The following CDKAL1 variants were observed in gnomAD, a reference collection of about 807,000 sequenced individuals.
CDKAL1 encodes threonylcarbamoyladenosine tRNA methylthiotransferase.
A neutral mutation model predicts 68.2 loss-of-function variants in CDKAL1; 32 were observed. That is an observed-to-expected ratio of 0.47 (90% CI 0.35 to 0.63). The LOEUF (loss-of-function observed/expected upper bound fraction) is 0.63. Ranked by LOEUF, CDKAL1 falls within the 30% of genes least tolerant of loss-of-function variation. CDKAL1 has a pLI of 0.00. For missense variants in CDKAL1, 606 were observed against 696.7 expected, an observed-to-expected ratio of 0.87 and a Z score of 1.47; for synonymous variants, 234 against 244.3, an observed-to-expected ratio of 0.96 and a Z score of 0.39.
At chr6:20,757,762 CT>C (rs1408830939) in intron 6 of CDKAL1, among the ~76,000 whole-genome samples, 2 of 152,096 alleles carry the variant, frequency 1.3e-5, no homozygotes, top group South Asian at 4.1e-4. Context: ...TTTTGTTTGA[CT>C]TTTTTGTGAT....
intron 9 of CDKAL1, among the ~76,000 whole-genome samples, chr6:20,871,401 C>T (rs1387127870): frequency 6.6e-6 from 1 of 152,112 alleles, no homozygotes; most frequent in African/African-American, 2.4e-5. Context: ...CTACAAATAG[C>T]TATAACTTGT....
intron 11 of CDKAL1, among the ~76,000 whole-genome samples, chr6:21,061,802 T>C (rs1771150782): frequency 1.3e-5 from 2 of 152,296 alleles, no homozygotes; most frequent in South Asian, 4.1e-4. Flanking sequence ...ATCCGCCTCA[T>C]CTCACATTAA....
intron 13 of CDKAL1, among the ~76,000 whole-genome samples, chr6:21,121,290 G>A (rs899778302): frequency 3.9e-5 from 6 of 152,100 alleles, no homozygotes; most frequent in African/African-American, 1.4e-4. Context: ...TAGAATTTCT[G>A]ACTCTTCCAC....
intron 12 of CDKAL1, among the ~76,000 whole-genome samples, chr6:21,071,361 G>A (rs1174282228): frequency 6.6e-6 from 1 of 152,078 alleles, no homozygotes; most frequent in East Asian, 1.9e-4. Flanking sequence ...GCCACCTTGT[G>A]AAGGGGGTGC....
At chr6:20,824,931 T>TAGGAAAAAGA (rs368828297) in intron 8 of CDKAL1, among the ~76,000 whole-genome samples, 46,873 of 152,156 alleles carry the variant, frequency 0.31, 7,527 homozygotes, top group East Asian at 0.53. Flanking sequence ...TTGTGATAAT[T>TAGGAAAAAGA]AGCTAATATA....
chr6:20,884,918 A>G (rs913129462), intron 9 of CDKAL1, among the ~76,000 whole-genome samples: 9 of 152,114 alleles, frequency 5.9e-5, no homozygotes, highest in Non-Finnish European at 1.2e-4. Context: ...CTTGAGCCTG[A>G]AAGTTTGAGA....
At chr6:20,619,614 TCATTCATATATCCAATTTGACTG>T (rs1210881532) in intron 4 of CDKAL1, among the ~76,000 whole-genome samples, 2 of 152,216 alleles carry the variant, frequency 1.3e-5, no homozygotes, top group Non-Finnish European at 2.9e-5. Flanking sequence ...ATCATTTGTA[TCATTCATATATCCAATTTGACTG>T]GCAATTCTTC....
intron 11 of CDKAL1, among the ~76,000 whole-genome samples, chr6:21,026,555 T>TTTA (rs1485997175): frequency 2.6e-5 from 4 of 152,328 alleles, no homozygotes; most frequent in African/African-American, 9.6e-5. Flanking sequence ...ATTATACAGG[T>TTTA]TTATTATTGC....
At chr6:20,596,871 C>T (rs1167347087) in intron 4 of CDKAL1, among the ~76,000 whole-genome samples, 2 of 152,184 alleles carry the variant, frequency 1.3e-5, no homozygotes, top group African/African-American at 4.8e-5. Context: ...CACAGTCCCT[C>T]ACGGCTTCCC....
chr6:20,545,015 A>G (rs969194371), intron 2 of CDKAL1, among the ~76,000 whole-genome samples: 1 of 151,540 alleles, frequency 6.6e-6, no homozygotes, highest in Admixed American at 6.6e-5. Context: ...CTGGAGTAGA[A>G]TGATTATTAT....
chr6:20,762,378 G>T (rs1018035515), intron 7 of CDKAL1, among the ~76,000 whole-genome samples: 4 of 152,192 alleles, frequency 2.6e-5, no homozygotes, highest in African/African-American at 9.6e-5. Context: ...TGCAACAGGA[G>T]AATTTTTCAG....
intron 13 of CDKAL1, among the ~76,000 whole-genome samples, chr6:21,154,805 T>TCCA (rs1388591354): frequency 2.0e-5 from 3 of 152,102 alleles, no homozygotes; most frequent in African/African-American, 7.2e-5. Context: ...CTGGCCAACA[T>TCCA]GATGAAACCC....
chr6:20,833,976 G>T (rs1777827417), intron 8 of CDKAL1, among the ~76,000 whole-genome samples: 1 of 152,174 alleles, frequency 6.6e-6, no homozygotes, highest in Admixed American at 6.5e-5. Flanking sequence ...CTTCCTGAAT[G>T]AGAACAGGAA....
chr6:21,043,165 A>G (rs1770027738), intron 11 of CDKAL1, among the ~76,000 whole-genome samples: 1 of 152,166 alleles, frequency 6.6e-6, no homozygotes. Context: ...AAGGTATAGC[A>G]TCTTATTGTC....
intron 13 of CDKAL1, among the ~76,000 whole-genome samples, chr6:21,191,994 T>C (rs1394420679): frequency 2.9e-5 from 1 of 34,252 alleles, no homozygotes; most frequent in Non-Finnish European, 6.2e-5. Context: ...TCATTTTTCT[T>C]TTTTTTTTTT....
At chr6:20,556,954 C>T (rs183330050) in intron 4 of CDKAL1, among the ~76,000 whole-genome samples, 1,659 of 150,966 alleles carry the variant, frequency 0.011, 31 homozygotes, top group African/African-American at 0.036. Flanking sequence ...AGGAGAATGG[C>T]GTGAACCTGG....
intron 12 of CDKAL1, among the ~76,000 whole-genome samples, chr6:21,094,855 ATGTT>A (rs1208107576): frequency 6.6e-6 from 1 of 152,228 alleles, no homozygotes; most frequent in African/African-American, 2.4e-5. Flanking sequence ...TGTCAAAAGA[ATGTT>A]TGGACTTTGA....
intron 8 of CDKAL1, among the ~76,000 whole-genome samples, chr6:20,793,147 G>A (rs1230492840): frequency 6.6e-6 from 1 of 152,150 alleles, no homozygotes; most frequent in African/African-American, 2.4e-5. Context: ...TCCTTTGAGT[G>A]TAGATTTCTG....
intron 13 of CDKAL1, among the ~76,000 whole-genome samples, chr6:21,178,481 A>G (rs1353157323): frequency 6.6e-6 from 1 of 152,232 alleles, no homozygotes; most frequent in Admixed American, 6.5e-5. Flanking sequence ...TGTTTATTTA[A>G]AATGTGGGAG....
Sources: gnomAD v4.1 joint callset for allele counts (sites outside exome capture counted in the v4.1 genomes callset) on GRCh38, gnomAD v4.1.1 for gene constraint, MANE v1.5 for transcripts, NCBI Gene and HGNC (gene_info 2026-07-23, HGNC 2026-07-21) for gene names.